Variants in BHMT2 observed in about 807,000 individuals in gnomAD.
BHMT2 encodes S-methylmethionine--homocysteine S-methyltransferase BHMT2.
BHMT2 carries 28 observed loss-of-function variants against 39.0 expected under a neutral mutation model. The ratio of observed to expected loss-of-function variants is 0.72; its 90% CI spans 0.53 to 0.98. The LOEUF is 0.98. BHMT2 is among the 50% of genes least tolerant of loss of function. The probability of loss-of-function intolerance (pLI) is 0.00; values close to 1 mark genes in which losing one functional copy is unlikely to be tolerated. For synonymous variants in BHMT2, 145 were observed against 160.6 expected, an observed-to-expected ratio of 0.90 and a Z score of 0.74; for missense variants, 410 against 455.6, an observed-to-expected ratio of 0.90 and a Z score of 0.91.
intron 7 of BHMT2, among the ~76,000 whole-genome samples, chr5:79,085,875 C>T (rs1463853387): frequency 6.6e-6 from 1 of 152,128 alleles, no homozygotes; most frequent in Non-Finnish European, 1.5e-5. Context: ...AACTTCCCTT[C>T]CCATCTTGCT....
At chr5:79,073,034 A>G (rs1755610472) in intron 1 of BHMT2, among the ~76,000 whole-genome samples, 2 of 147,738 alleles carry the variant, frequency 1.4e-5, no homozygotes, top group African/African-American at 2.5e-5. Context: ...CACAATCTCA[A>G]CTCACTGTAA....
At position 79,077,421 on chromosome 5, in the gene BHMT2, C is replaced by T. The variant is rs1755691597; in HGVS notation, c.34-59C>T. The T allele has an allele frequency of 2.6e-6, 4 of 1,549,084 alleles. No individual in the cohort carries two copies. The East Asian group carries it at 6.8e-5, about 26-fold the overall frequency. On this transcript the variant is annotated intron_variant, in intron 1 of 7. Coordinates refer to ENST00000255192, the MANE Select transcript of BHMT2 (RefSeq NM_017614.5). ...CCACTTCACCTAAAATTAGAAAATG[C>T]TTTTAGGAAAAAAAAAAAAAGTAGA...
At position 79,079,450 on chromosome 5, in the gene BHMT2, T is replaced by C. The variant is rs1399802451; in HGVS notation, c.248T>C (p.Met83Thr). The change falls in exon 3 of 8, where the codon ATG becomes ACG. Residue 83 changes from methionine to threonine, a missense_variant. Transcript: ENST00000255192. ...TFTFSASEDN[M>T]ESKWEDVNAA... is the part of the protein sequence containing the mutation. ...ACCTTTTCTGCCAGTGAGGACAATA[T>C]GGAAAGCAAGGTAAACGGCAATGGC... The C allele has an allele frequency of 1.2e-6, 2 of 1,612,858 alleles. No individual in the cohort carries two copies. Among genetic ancestry groups the C allele is most frequent in the Non-Finnish European group, 1.7e-6 (2 of 1,178,984 alleles).
At chr5:79,069,854 C>A (rs1273638441) in intron 1 of BHMT2, 39 bp downstream of exon 1, 4 of 1,368,706 alleles carry the variant, frequency 2.9e-6, no homozygotes, top group Non-Finnish European at 3.8e-6. Context: ...AGCTCCTGGC[C>A]GCTGGGCTGC....
chr5:79,081,410 G>A (rs759750129), intron 4 of BHMT2, among the ~76,000 whole-genome samples: 1 of 152,202 alleles, frequency 6.6e-6, no homozygotes, highest in Non-Finnish European at 1.5e-5. Context: ...ACATTTTGAA[G>A]AAAGAATCAG....
intron 7 of BHMT2, among the ~76,000 whole-genome samples, chr5:79,087,176 G>A (rs1755918255): frequency 6.6e-6 from 1 of 151,328 alleles, no homozygotes. Flanking sequence ...ATTCATTTCA[G>A]TGGGATTTGA....
chr5:79,073,635 T>C (rs1405540961), intron 1 of BHMT2, among the ~76,000 whole-genome samples: 1 of 152,184 alleles, frequency 6.6e-6, no homozygotes, highest in African/African-American at 2.4e-5. Flanking sequence ...AATCAGTAAA[T>C]ATTAACATTT....
rs1465442957 is a variant in BHMT2, at chr5:79,089,361, G to C, written c.*787G>C. 6.6e-6 allele frequency: 1 copy of C among 151,086 alleles called. No homozygotes were observed. The highest frequency in any genetic ancestry group is 1.5e-5 in the Non-Finnish European group (1 of 68,026). The allele number at this position is 151,086 out of a possible 1,614,324, so 9.4% of individuals were successfully genotyped here. ...AGCTACTCGGGAGGCTGAGGCAGGAGAATCGCTTGAACCCAGGAGGCGGAG... is the reference window on the plus strand; with the variant it reads ...AGCTACTCGGGAGGCTGAGGCAGGACAATCGCTTGAACCCAGGAGGCGGAG... On this transcript the variant is annotated 3_prime_UTR_variant, in exon 8 of 8. Transcript: ENST00000255192.
rs1755959934 is a variant in BHMT2, at chr5:79,088,823, G to A, written c.*249G>A. On this transcript the variant is annotated 3_prime_UTR_variant, in exon 8 of 8. Transcript: ENST00000255192. ...GCGAGAGAGGCACCTTGTTCTCCAA[G>A]AACTTACTGTCCAATCATGCTGTGG... 1 of 358,130 alleles carries A rather than the reference G, an allele frequency of 2.8e-6. No individual in the cohort carries two copies. Among genetic ancestry groups the A allele is most frequent in the African/African-American group, 2.1e-5 (1 of 47,798 alleles). 22.2% of individuals were successfully genotyped at this position (358,130 alleles called of 1,614,324 possible).
intron 1 of BHMT2, among the ~76,000 whole-genome samples, chr5:79,074,999 C>A (rs1413805431): frequency 6.6e-6 from 1 of 152,114 alleles, no homozygotes; most frequent in African/African-American, 2.4e-5. Flanking sequence ...GCTGGGTTGG[C>A]AAACGCTTTC....
At chr5:79,079,233 G>T (rs919723096) in intron 2 of BHMT2, 136 bp from the exon 3 acceptor site, 2 of 611,814 alleles carry the variant, frequency 3.3e-6, no homozygotes, top group East Asian at 2.9e-5. Context: ...ATAATTTTTT[G>T]TTACTACTAG....
At chr5:79,072,965 C>CCT (rs376162077) in intron 1 of BHMT2, among the ~76,000 whole-genome samples, 2 of 137,700 alleles carry the variant, frequency 1.5e-5, no homozygotes, top group Non-Finnish European at 3.1e-5. Flanking sequence ...AAATTTGATT[C>CCT]TTTTTTTTTT....
At chr5:79,077,450 G>A in intron 1 of BHMT2, 30 bp from the exon 2 acceptor site, 1 of 1,592,928 alleles carries the variant, frequency 6.3e-7, no homozygotes, top group Non-Finnish European at 8.5e-7. Flanking sequence ...AAGTAGAGCG[G>A]AGCTTAGGTG....
At chr5:79,084,659 T>A (rs375948281) in intron 7 of BHMT2, among the ~76,000 whole-genome samples, 2 of 152,172 alleles carry the variant, frequency 1.3e-5, no homozygotes, top group South Asian at 2.1e-4. Context: ...GGTTTCAACA[T>A]GTGCATTGTG....
chr5:79,085,133 C>A (rs1755868276), intron 7 of BHMT2, among the ~76,000 whole-genome samples: 1 of 152,032 alleles, frequency 6.6e-6, no homozygotes, highest in African/African-American at 2.4e-5. Flanking sequence ...TAGGTTGATC[C>A]TAAAAATATA....
intron 7 of BHMT2, among the ~76,000 whole-genome samples, chr5:79,088,070 C>A (rs1755934010): frequency 6.6e-6 from 1 of 152,074 alleles, no homozygotes; most frequent in Non-Finnish European, 1.5e-5. Context: ...GTCCCAGCTA[C>A]CTGGGGGGCT....
intron 2 of BHMT2, among the ~76,000 whole-genome samples, 199 bp from the exon 3 acceptor site, chr5:79,079,170 C>T (rs981846761): frequency 2.6e-5 from 4 of 152,218 alleles, no homozygotes; most frequent in Admixed American, 2.0e-4. Context: ...CAGAACAATA[C>T]AAGGCTGCTC....
rs1265894801 is a variant in BHMT2 at position 79,083,737 on chromosome 5, C to T, written c.891C>T (p.His297=). 2.5e-6 allele frequency: 4 copies of T among 1,614,052 alleles called. No homozygotes were observed. Among genetic ancestry groups the T allele is most frequent in the Non-Finnish European group, 3.4e-6 (4 of 1,180,020 alleles). ...GGTGCTGTGGATTTGAGCCCTACCA[C>T]ATCAGGGCAATTGCAGAGGAGCTGG... ...IGGCCGFEPY[H]IRAIAEELAP... Residue 297 remains histidine, a synonymous_variant, in exon 7 of 8, where the codon CAC becomes CAT. Transcript: ENST00000255192.
rs1389039741 is a variant in BHMT2, at chr5:79,069,803, G to A, written c.21G>A (p.Pro7=). 2 of 1,433,488 alleles carry A rather than the reference G, an allele frequency of 1.4e-6. No homozygotes were observed. The highest frequency in any genetic ancestry group is 3.0e-5 in the East Asian group (1 of 33,436). The allele number at this position is 1,433,488 out of a possible 1,614,324, so 88.8% of individuals were successfully genotyped here. ...GCACCATGGCACCTGCTGGACGCCC[G>A]GGGGCCAAGAAGGTGAGTTTCGTCC... MAPAGR[P]GAKKGILERL... is the part of the protein sequence containing the mutation. The change falls in exon 1 of 8, where the codon CCG becomes CCA. Residue 7 remains proline (P), a synonymous_variant. Transcript: ENST00000255192.
Sources: gnomAD v4.1 joint callset for allele counts (sites outside exome capture counted in the v4.1 genomes callset) on GRCh38, gnomAD v4.1.1 for gene constraint, MANE v1.5 for transcripts, NCBI Gene and HGNC (gene_info 2026-07-23, HGNC 2026-07-21) for gene names.